Variants in UBE2E3 observed in about 807,000 individuals in gnomAD.
The protein encoded by UBE2E3 is ubiquitin-conjugating enzyme E2 E3.
UBE2E3 carries 5 observed loss-of-function variants against 23.6 expected under a neutral mutation model. The ratio of observed to expected loss-of-function variants is 0.21; its 90% CI spans 0.11 to 0.44. The LOEUF is 0.44. UBE2E3 is among the 20% of genes least tolerant of loss of function. The pLI, the probability that UBE2E3 is intolerant of heterozygous loss-of-function variation, is 0.99. For missense variants in UBE2E3, 81 were observed against 249.8 expected, an observed-to-expected ratio of 0.32 and a Z score of 4.55; for synonymous variants, 78 against 87.5, an observed-to-expected ratio of 0.89 and a Z score of 0.60.
intron 3 of UBE2E3, among the ~76,000 whole-genome samples, chr2:181,034,523 A>C (rs1334412327): frequency 6.6e-6 from 1 of 152,130 alleles, no homozygotes; most frequent in Non-Finnish European, 1.5e-5. Context: ...ACCGGGACCT[A>C]CCGTGGGGTG....
At chr2:181,011,129 T>C (rs1324405731) in intron 3 of UBE2E3, among the ~76,000 whole-genome samples, 1 of 152,056 alleles carries the variant, frequency 6.6e-6, no homozygotes, top group Non-Finnish European at 1.5e-5. Context: ...AATTCAGATT[T>C]CTAGGCTTCA....
At chr2:181,056,228 A>T (rs1686984819) in intron 3 of UBE2E3, among the ~76,000 whole-genome samples, 1 of 151,902 alleles carries the variant, frequency 6.6e-6, no homozygotes, top group East Asian at 1.9e-4. Context: ...AAAAAATGAG[A>T]CCATACCAGT....
At chr2:181,055,167 G>A (rs1686954819) in intron 3 of UBE2E3, among the ~76,000 whole-genome samples, 1 of 151,760 alleles carries the variant, frequency 6.6e-6, no homozygotes, top group Admixed American at 6.6e-5. Context: ...GATAGCAGAT[G>A]TAGATAAGAT....
At chr2:181,014,190 G>A (rs1378094838) in intron 3 of UBE2E3, among the ~76,000 whole-genome samples, 1 of 152,148 alleles carries the variant, frequency 6.6e-6, no homozygotes, top group Non-Finnish European at 1.5e-5. Context: ...AAAGATGGAA[G>A]TTTTAGTTTT....
Position 180,982,001 on chromosome 2 carries a change from C to T in UBE2E3, c.-25-17C>T. The T allele has an allele frequency of 2.6e-6, 4 of 1,550,194 alleles. No homozygotes were observed. Among genetic ancestry groups the T allele is most frequent in the Non-Finnish European group, 3.5e-6 (4 of 1,139,682 alleles). On this transcript the variant is annotated splice_polypyrimidine_tract_variant and intron_variant, in intron 1 of 5. Coordinates refer to ENST00000410062, the MANE Select transcript of UBE2E3 (RefSeq NM_006357.4). ...ATTTAACATTTTCTCCTCCTCCTCC[C>T]CTGTTCTCTTTAAAAGTTTTCCAAG...
At chr2:180,989,215 A>G (rs1391459385) in intron 3 of UBE2E3, among the ~76,000 whole-genome samples, 1 of 152,108 alleles carries the variant, frequency 6.6e-6, no homozygotes, top group African/African-American at 2.4e-5. Context: ...CTTCAACACA[A>G]CTGTAATAAA....
chr2:180,996,795 G>T (rs1199567901), intron 3 of UBE2E3, among the ~76,000 whole-genome samples: 1 of 152,074 alleles, frequency 6.6e-6, no homozygotes, highest in Non-Finnish European at 1.5e-5. Flanking sequence ...TAATAGTTGT[G>T]TTTCTTACAT....
chr2:181,032,506 AGTATTTTT>A (rs1476236837), intron 3 of UBE2E3, among the ~76,000 whole-genome samples: 1 of 152,178 alleles, frequency 6.6e-6, no homozygotes, highest in Non-Finnish European at 1.5e-5. Context: ...TGAGTCATTT[AGTATTTTT>A]CAATATCTTT....
In UBE2E3 at chr2:181,048,278, A is replaced by G. The variant is rs548238719; in HGVS notation, c.246-9415A>G. 9.2e-5 allele frequency among the ~76,000 whole-genome samples: 14 copies of G among 152,212 alleles called. No homozygotes were observed. The South Asian group carries it at 2.1e-3, about 23-fold the overall frequency. On this transcript the variant is annotated intron_variant, in intron 3 of 5. Transcript: ENST00000410062. ...TATCCTCAGCTTGGCTGAAATCTCC[A>G]TTGTATATTTAGTTTCTTGTACAGA... is the stretch of plus-strand genomic sequence containing the variant.
intron 3 of UBE2E3, among the ~76,000 whole-genome samples, chr2:181,039,202 G>T (rs1686397784): frequency 7.1e-6 from 1 of 140,700 alleles, no homozygotes; most frequent in African/African-American, 2.7e-5. Context: ...TGGTGGATAT[G>T]CTCTATATCA....
intron 3 of UBE2E3, chr2:180,989,938 T>C: frequency 6.5e-7 from 1 of 1,549,366 alleles, no homozygotes. Flanking sequence ...AATGAAGAAC[T>C]TGTCCTTTCA....
At chr2:181,013,625 C>A (rs1685397104) in intron 3 of UBE2E3, among the ~76,000 whole-genome samples, 1 of 152,130 alleles carries the variant, frequency 6.6e-6, no homozygotes, top group Non-Finnish European at 1.5e-5. Context: ...CTTCTATAAA[C>A]CTGATGACTG....
At chr2:181,013,279 A>C (rs770128517) in intron 3 of UBE2E3, among the ~76,000 whole-genome samples, 1 of 152,296 alleles carries the variant, frequency 6.6e-6, no homozygotes, top group East Asian at 1.9e-4. Flanking sequence ...TTATTATTTC[A>C]TACTTTCTGT....
intron 3 of UBE2E3, among the ~76,000 whole-genome samples, chr2:181,028,043 A>C (rs1272372966): frequency 6.6e-6 from 1 of 152,026 alleles, no homozygotes; most frequent in Non-Finnish European, 1.5e-5. Context: ...TGTGATCATT[A>C]TTCTAAGATG....
At chr2:180,982,266 T>C in intron 2 of UBE2E3, 30 bp downstream of exon 2, 3 of 1,589,060 alleles carry the variant, frequency 1.9e-6, no homozygotes, top group Non-Finnish European at 2.6e-6. Context: ...TCCAGCACAC[T>C]TTGTCAGGTT....
At chr2:181,023,595 A>G (rs4667020) in intron 3 of UBE2E3, among the ~76,000 whole-genome samples, 35,296 of 152,062 alleles carry the variant, frequency 0.23, 4,467 homozygotes, top group Non-Finnish European at 0.28. Context: ...CTGATAGAAC[A>G]GTAGCCATGC....
chr2:181,041,234 C>CAAAAAAAAAAAAAAAAAAAAAAAAAAA (rs1206207155), intron 3 of UBE2E3, among the ~76,000 whole-genome samples: 1 of 77,196 alleles, frequency 1.3e-5, no homozygotes. Context: ...GACTCCGTCT[C>CAAAAAAAAAAAAAAAAAAAAAAAAAAA]AAAAAAAAAA....
At chr2:181,033,893 A>C (rs950225913) in intron 3 of UBE2E3, among the ~76,000 whole-genome samples, 25 of 152,364 alleles carry the variant, frequency 1.6e-4, no homozygotes, top group Non-Finnish European at 3.4e-4. Flanking sequence ...TCTCAAAAGA[A>C]GACATTTATG....
At chr2:181,013,958 C>G (rs1685410153) in intron 3 of UBE2E3, among the ~76,000 whole-genome samples, 1 of 152,138 alleles carries the variant, frequency 6.6e-6, no homozygotes. Context: ...GCTGGAAGAT[C>G]AGTAACATGC....
Sources: allele counts gnomAD v4.1 joint callset (sites outside exome capture counted in the v4.1 genomes callset), GRCh38; gene constraint gnomAD v4.1.1; transcripts MANE v1.5; gene names NCBI Gene and HGNC (gene_info 2026-07-23, HGNC 2026-07-21).